YTHDF3: variants seen among roughly 807,000 people sequenced by gnomAD.
YTHDF3 encodes YTH N6-methyladenosine RNA binding protein F3.
In YTHDF3, 9 loss-of-function variants were observed where a neutral mutation model predicts 52.5. The observed-to-expected ratio is 0.17, with a 90% CI of 0.10 to 0.30. The LOEUF (loss-of-function observed/expected upper bound fraction) is 0.30. Ranked by LOEUF, YTHDF3 falls within the 10% of genes least tolerant of loss-of-function variation. The probability of loss-of-function intolerance (pLI) is 1.00; values close to 1 mark genes in which losing one functional copy is unlikely to be tolerated. For missense variants in YTHDF3, 534 were observed against 715.0 expected (o/e 0.75, Z 2.89); for synonymous variants, 274 against 243.3 (o/e 1.13, Z -1.18).
At chr8:63,169,164 G>C in intron 1 of YTHDF3, 1 of 1,411,190 alleles carries the variant, frequency 7.1e-7, no homozygotes, top group South Asian at 1.5e-5. Context: ...GGCAGACATG[G>C]GGCGGAGACC....
chr8:63,171,312 T>TA (rs1253394091), intron 2 of YTHDF3, among the ~76,000 whole-genome samples: 2 of 152,182 alleles, frequency 1.3e-5, no homozygotes, highest in East Asian at 3.8e-4. Context: ...CCATAATTCC[T>TA]ATAGTATGTT....
At chr8:63,195,763 T>TGA (rs1554538700) in intron 4 of YTHDF3, among the ~76,000 whole-genome samples, 92 of 149,368 alleles carry the variant, frequency 6.2e-4, no homozygotes, top group African/African-American at 1.8e-3. Flanking sequence ...TGTGTGTGTG[T>TGA]GACCCTGGGC....
In YTHDF3 at chr8:63,211,276, G is replaced by A. The variant is rs1004579363; in HGVS notation, c.*1570G>A. On this transcript the variant is annotated 3_prime_UTR_variant, in exon 5 of 5. Coordinates refer to ENST00000539294, the MANE Select transcript of YTHDF3 (RefSeq NM_152758.6). ...AACCATAGCTACTACACAGTTCTTCGGTAGTCCCAGTGTAGTTATATCAGT... is the reference window on the plus strand; with the variant it reads ...AACCATAGCTACTACACAGTTCTTCAGTAGTCCCAGTGTAGTTATATCAGT... 3.6e-4 allele frequency: 55 copies of A among 152,168 alleles called. No individual in the cohort carries two copies. The highest frequency in any genetic ancestry group is 1.3e-3 in the African/African-American group (54 of 41,332). The allele number at this position is 152,168 out of a possible 1,614,324, so 9.4% of individuals were successfully genotyped here. A position where few individuals can be genotyped will look rare whatever the true frequency, so the allele number is the denominator to read the frequency against.
rs997335467 is a variant in YTHDF3 at position 63,212,038 on chromosome 8, G to A, written c.*2332G>A. Reference sequence around the variant, plus strand: ...CCAACTGAATGTCTCTTAACTGTGGGGACCAAAAGGGAGAGAGCCTGGGGT... The same window carrying A: ...CCAACTGAATGTCTCTTAACTGTGGAGACCAAAAGGGAGAGAGCCTGGGGT... On this transcript the variant is annotated 3_prime_UTR_variant, in exon 5 of 5. Transcript: ENST00000539294. 1 of 152,466 alleles carries A rather than the reference G, an allele frequency of 6.6e-6. No individual in the cohort carries two copies. The highest frequency in any genetic ancestry group is 6.6e-5 in the Admixed American group (1 of 15,264). 9.4% of individuals were successfully genotyped at this position (152,466 alleles called of 1,614,324 possible).
intron 4 of YTHDF3, among the ~76,000 whole-genome samples, chr8:63,196,320 C>T (rs991799689): frequency 2.0e-5 from 3 of 150,878 alleles, no homozygotes; most frequent in Non-Finnish European, 3.0e-5. Context: ...ACAGCACTTT[C>T]GGAGGCTGAG....
chr8:63,183,331 T>C (rs970206043), intron 3 of YTHDF3, among the ~76,000 whole-genome samples: 1 of 152,212 alleles, frequency 6.6e-6, no homozygotes, highest in Non-Finnish European at 1.5e-5. Flanking sequence ...ATTAAACTTT[T>C]GAGAGTTTTT....
chr8:63,202,458 T>C (rs1809699294), intron 4 of YTHDF3, among the ~76,000 whole-genome samples: 1 of 118,020 alleles, frequency 8.5e-6, no homozygotes, highest in Admixed American at 1.0e-4. Context: ...GCCCTTGTTC[T>C]ACTCTTTTTT....
chr8:63,187,831 T>A (rs1354923912), intron 4 of YTHDF3, 86 bp downstream of exon 4: 1 of 1,423,516 alleles, frequency 7.0e-7, no homozygotes, highest in Non-Finnish European at 9.3e-7. Flanking sequence ...AAGAACTTTC[T>A]GTGAAGGAAA....
rs1170926529 is a variant in YTHDF3 at position 63,187,461 on chromosome 8, G to A, written c.1450G>A (p.Asp484Asn). The A allele has an allele frequency of 6.2e-7, 1 of 1,613,996 alleles. No homozygotes were observed. The change falls in exon 4 of 5, where the codon GAC (aspartate) becomes AAC (asparagine). Residue 484 changes from aspartate (D) to asparagine (N), a missense_variant. Physicochemically the swap from Asp to Asn is conservative, Grantham distance 23. Around this residue, in one of 3 missense-constraint regions of YTHDF3, gnomAD observed 135 missense variants for 214.2 expected, o/e 0.63. Coordinates refer to ENST00000539294, the MANE Select transcript of YTHDF3 (RefSeq NM_152758.6). The part of the protein sequence containing the change: ...CGVAEMKSVV[D>N]YNAYAGVWSQ... ...AGTGGCTGAAATGAAGTCTGTTGTG[G>A]ACTATAATGCGTATGCTGGTGTCTG...
At chr8:63,199,486 A>G (rs1809460411) in intron 4 of YTHDF3, among the ~76,000 whole-genome samples, 1 of 152,144 alleles carries the variant, frequency 6.6e-6, no homozygotes. Context: ...GCTGTGTTTA[A>G]TTTATCTTTT....
Position 63,170,845 on chromosome 8 carries a change from TAAAAC to T in YTHDF3, c.49+1439_49+1443del, listed in dbSNP as rs1449622975. Among the ~76,000 whole-genome samples the T allele has an allele frequency of 1.1e-4, 16 of 152,284 alleles. No individual in the cohort carries two copies. In the East Asian group the frequency reaches 2.7e-3, roughly 26 times the overall value. ...CAAGTTCTATGAGGTACTTGTTTGT[TAAAAC>T]AAAATAGAGCCTCTACAGCACTGTA... On this transcript the variant is annotated intron_variant, in intron 2 of 4. Transcript: ENST00000539294.
At position 63,186,235 on chromosome 8, in the gene YTHDF3, C is replaced by T. The variant is rs1340523612; in HGVS notation, c.224C>T (p.Ala75Val). The change falls in exon 4 of 5, where the codon GCG becomes GTG. Residue 75 changes from alanine (A) to valine (V), a missense_variant. Ala to Val is a moderately conservative substitution (Grantham distance 64, BLOSUM62 0). Coordinates refer to ENST00000539294, the MANE Select transcript of YTHDF3 (RefSeq NM_152758.6). ...IGFPYSLGEAAWSTAGDQPMP... is the reference protein window; with the variant it reads ...IGFPYSLGEAVWSTAGDQPMP... ...TTTCCATATTCTCTTGGGGAAGCAG[C>T]GTGGTCCACAGCTGGAGACCAGCCT... 2.5e-6 allele frequency: 4 copies of T among 1,613,972 alleles called. No homozygotes were observed. Among genetic ancestry groups the T allele is most frequent in the Non-Finnish European group, 3.4e-6 (4 of 1,179,896 alleles).
At chr8:63,206,637 T>C (rs1810049456) in intron 4 of YTHDF3, among the ~76,000 whole-genome samples, 1 of 152,216 alleles carries the variant, frequency 6.6e-6, no homozygotes, top group South Asian at 2.1e-4. Context: ...CATTCAGATT[T>C]ATTGGCATAT....
intron 3 of YTHDF3, among the ~76,000 whole-genome samples, chr8:63,175,969 T>G (rs1320771223): frequency 6.6e-6 from 1 of 152,226 alleles, no homozygotes; most frequent in Non-Finnish European, 1.5e-5. Context: ...ACACAGTTAC[T>G]TCTGTATTGT....
chr8:63,174,188 A>C (rs1807535424), intron 2 of YTHDF3, among the ~76,000 whole-genome samples: 1 of 152,240 alleles, frequency 6.6e-6, no homozygotes, highest in Non-Finnish European at 1.5e-5. Flanking sequence ...TTTGAGCAGT[A>C]AATCTTTAGA....
rs892773232 is a variant in YTHDF3, at chr8:63,187,368, C to T, written c.1357C>T (p.Arg453Cys). ...HGNKRLDAAY[R>C]SLNGKGPLYL... is the part of the protein sequence containing the mutation. The stretch of plus-strand genomic sequence containing the variant: ...TAATAAGCGTTTGGATGCAGCTTAC[C>T]GTTCCCTGAATGGGAAAGGCCCACT... The change falls in exon 4 of 5, where the codon CGT becomes TGT. Residue 453 changes from arginine (R) to cysteine (C), a missense_variant. By Grantham distance (180) the Arg-to-Cys change is radical (BLOSUM62 -3). Coordinates refer to ENST00000539294, the MANE Select transcript of YTHDF3 (RefSeq NM_152758.6). 9.9e-6 allele frequency: 16 copies of T among 1,613,886 alleles called. No individual in the cohort carries two copies. The highest frequency in any genetic ancestry group is 3.3e-5 in the Admixed American group (2 of 59,996).
intron 2 of YTHDF3, 52 bp from the exon 3 acceptor site, chr8:63,175,279 T>C: frequency 1.5e-6 from 2 of 1,342,044 alleles, no homozygotes; most frequent in Non-Finnish European, 2.1e-6. Flanking sequence ...TAGGTTGTGC[T>C]GCGAGTTTCA....
chr8:63,192,547 T>TGGTTAGCATATAG (rs1258822818), intron 4 of YTHDF3, among the ~76,000 whole-genome samples: 3 of 152,218 alleles, frequency 2.0e-5, no homozygotes, highest in Non-Finnish European at 2.9e-5. Context: ...GCTTGTTAGC[T>TGGTTAGCATATAG]GGTTAGCATA....
intron 1 of YTHDF3, 172 bp downstream of exon 1, chr8:63,169,073 G>C: frequency 7.2e-7 from 1 of 1,392,106 alleles, no homozygotes; most frequent in Non-Finnish European, 9.2e-7. Flanking sequence ...TGGCCCCGTA[G>C]CTTGCGGGCG....
Sources: gnomAD v4.1 joint callset for allele counts (sites outside exome capture counted in the v4.1 genomes callset) on GRCh38, gnomAD v4.1.1 for gene constraint, gnomAD v4.1.1 regional missense constraint, MANE v1.5 for transcripts, NCBI Gene and HGNC (gene_info 2026-07-23, HGNC 2026-07-21) for gene names.